XKR6: variants seen among roughly 807,000 people sequenced by gnomAD.
XKR6 encodes the protein XK related 6.
Under a neutral mutation model 56.7 loss-of-function variants are expected in XKR6, and 22 were observed. The ratio of observed to expected loss-of-function variants is 0.39; its 90% confidence interval spans 0.28 to 0.55. The LOEUF (loss-of-function observed/expected upper bound fraction) is 0.55. Among genes scored for constraint, XKR6 ranks in the 20% least tolerant of loss-of-function variants. The probability of loss-of-function intolerance (pLI) is 0.66; values close to 1 mark genes in which losing one functional copy is unlikely to be tolerated. For missense variants in XKR6, 852 were observed against 889.0 expected, an observed-to-expected ratio of 0.96 and a Z score of 0.53; for synonymous variants, 524 against 387.8, an observed-to-expected ratio of 1.35 and a Z score of -4.13.
intron 1 of XKR6, among the ~76,000 whole-genome samples, chr8:10,980,925 G>C (rs887250232): frequency 2.0e-5 from 3 of 152,170 alleles, no homozygotes; most frequent in African/African-American, 7.2e-5. Context: ...AGGCTGGAGG[G>C]ATTAGAGACA....
intron 1 of XKR6, among the ~76,000 whole-genome samples, chr8:11,035,025 C>T (rs1034348432): frequency 6.6e-6 from 1 of 152,206 alleles, no homozygotes; most frequent in South Asian, 2.1e-4. Context: ...TATGCGTACA[C>T]ATTTAGTAGT....
chr8:11,034,471 C>A (rs1799087745), intron 1 of XKR6, among the ~76,000 whole-genome samples: 1 of 152,144 alleles, frequency 6.6e-6, no homozygotes, highest in South Asian at 2.1e-4. Flanking sequence ...ACATGAAGCA[C>A]AAGGATGGGG....
chr8:11,131,662 CACA>C (rs1364014476), intron 1 of XKR6, among the ~76,000 whole-genome samples: 4 of 152,188 alleles, frequency 2.6e-5, no homozygotes, highest in African/African-American at 9.7e-5. Context: ...GCAACACATT[CACA>C]ACAATATTCT....
At chr8:10,919,335 C>T (rs1343486473) in intron 2 of XKR6, among the ~76,000 whole-genome samples, 2 of 152,226 alleles carry the variant, frequency 1.3e-5, no homozygotes, top group Non-Finnish European at 2.9e-5. Context: ...CTAAAGTGGG[C>T]TTTCTCCAAC....
At chr8:11,117,784 A>G (rs989031627) in intron 1 of XKR6, among the ~76,000 whole-genome samples, 1 of 152,186 alleles carries the variant, frequency 6.6e-6, no homozygotes, top group Non-Finnish European at 1.5e-5. Context: ...GTAAATATTA[A>G]TATGAATACA....
intron 1 of XKR6, among the ~76,000 whole-genome samples, chr8:11,021,411 A>G (rs1274671393): frequency 1.3e-5 from 2 of 152,252 alleles, no homozygotes; most frequent in Non-Finnish European, 2.9e-5. Context: ...AGCTTAATGT[A>G]TAATGTATAA....
chr8:11,186,916 T>C (rs1179613037), intron 1 of XKR6, among the ~76,000 whole-genome samples: 2 of 152,218 alleles, frequency 1.3e-5, no homozygotes, highest in East Asian at 3.8e-4. Context: ...GCCTCTCATA[T>C]TTAACTAACT....
intron 1 of XKR6, among the ~76,000 whole-genome samples, chr8:10,931,374 C>A (rs1801045081): frequency 6.6e-6 from 1 of 152,056 alleles, no homozygotes; most frequent in African/African-American, 2.4e-5. Context: ...ACAGATGTAA[C>A]ACAGTTCCAA....
intron 1 of XKR6, among the ~76,000 whole-genome samples, chr8:11,136,148 G>C (rs182694902): frequency 6.6e-6 from 1 of 152,206 alleles, no homozygotes; most frequent in Admixed American, 6.5e-5. Flanking sequence ...AGGATGAAAA[G>C]CTTTATGGGA....
intron 1 of XKR6, among the ~76,000 whole-genome samples, chr8:11,099,706 T>G (rs1195525150): frequency 6.6e-6 from 1 of 152,236 alleles, no homozygotes. Flanking sequence ...CGCATTGTTC[T>G]AGGTCTTGAA....
At chr8:10,959,681 A>G (rs61581529) in intron 1 of XKR6, among the ~76,000 whole-genome samples, 41,268 of 151,906 alleles carry the variant, frequency 0.27, 5,828 homozygotes, top group African/African-American at 0.31. Flanking sequence ...CAAAGGCCCC[A>G]CCTAACACCA....
intron 1 of XKR6, among the ~76,000 whole-genome samples, chr8:11,180,245 C>G (rs1176576419): frequency 2.6e-5 from 4 of 152,146 alleles, no homozygotes; most frequent in African/African-American, 9.7e-5. Context: ...TGAACAGAAC[C>G]AGCTTTCACA....
chr8:11,017,733 G>C (rs1002925299), intron 1 of XKR6, among the ~76,000 whole-genome samples: 1 of 152,214 alleles, frequency 6.6e-6, no homozygotes. Flanking sequence ...TGGGTCCTGA[G>C]GACGGGCTGA....
At chr8:10,998,360 C>T (rs115165524) in intron 1 of XKR6, among the ~76,000 whole-genome samples, 1 of 152,160 alleles carries the variant, frequency 6.6e-6, no homozygotes, top group Admixed American at 6.5e-5. Context: ...CTGCAGAATT[C>T]TTCTCTGGTA....
intron 1 of XKR6, among the ~76,000 whole-genome samples, chr8:11,162,596 A>C (rs1441763991): frequency 6.6e-6 from 1 of 152,244 alleles, no homozygotes; most frequent in Non-Finnish European, 1.5e-5. Context: ...AAAATTACAA[A>C]ACATATTTCC....
chr8:10,918,535 G>A (rs80128215), intron 2 of XKR6, among the ~76,000 whole-genome samples: 7,071 of 152,234 alleles, frequency 0.046, 210 homozygotes, highest in South Asian at 0.087. Flanking sequence ...TGCAGAATCC[G>A]CACAGATTTA....
chr8:11,136,077 T>C (rs116467360), intron 1 of XKR6, among the ~76,000 whole-genome samples: 327 of 152,362 alleles, frequency 2.1e-3, no homozygotes, highest in African/African-American at 7.3e-3. Context: ...ATTTTTTTTC[T>C]TTCTTAGAAC....
chr8:10,981,853 G>A (rs1489846653), intron 1 of XKR6, among the ~76,000 whole-genome samples: 1 of 152,210 alleles, frequency 6.6e-6, no homozygotes, highest in Admixed American at 6.5e-5. Context: ...TCAAAGTGAT[G>A]GCTGATAAAT....
chr8:11,057,112 T>G (rs901445176), intron 1 of XKR6, among the ~76,000 whole-genome samples: 2 of 152,154 alleles, frequency 1.3e-5, no homozygotes, highest in African/African-American at 4.8e-5. Context: ...CCCGACCCAA[T>G]CGAAGCACAA....
Sources: gnomAD v4.1 joint callset for allele counts (sites outside exome capture counted in the v4.1 genomes callset) on GRCh38, gnomAD v4.1.1 for gene constraint, MANE v1.5 for transcripts, NCBI Gene and HGNC (gene_info 2026-07-23, HGNC 2026-07-21) for gene names.